The following TNS3 variants were observed in gnomAD, a reference collection of about 807,000 sequenced individuals.
TNS3 encodes tensin 3, also known as tensin-3.
TNS3 carries 45 observed loss-of-function variants against 140.9 expected under a neutral mutation model. The observed-to-expected ratio is 0.32, with a 90% CI of 0.25 to 0.41. The LOEUF (loss-of-function observed/expected upper bound fraction) is 0.41, where lower values mean the gene tolerates loss of function less well. TNS3 is among the 10% of genes least tolerant of loss of function. TNS3 has a pLI of 1.00. For missense variants in TNS3, 1,716 were observed against 1,906.7 expected (o/e 0.90, Z 1.86); for synonymous variants, 815 against 788.4 (o/e 1.03, Z -0.56).
At chr7:47,318,668 C>T (rs1456829675) in intron 20 of TNS3, among the ~76,000 whole-genome samples, 1 of 152,108 alleles carries the variant, frequency 6.6e-6, no homozygotes, top group Non-Finnish European at 1.5e-5. Context: ...TTGCCCTTCA[C>T]AAGCAGAGAG....
intron 1 of TNS3, among the ~76,000 whole-genome samples, chr7:47,545,415 G>A (rs1799894730): frequency 2.0e-5 from 3 of 152,006 alleles, no homozygotes; most frequent in African/African-American, 4.8e-5. Flanking sequence ...TCACGAAAGG[G>A]GAGGGCTTTC....
intron 2 of TNS3, among the ~76,000 whole-genome samples, chr7:47,524,808 C>CAAAAAAAA (rs1354544006): frequency 0.09 from 2,267 of 25,246 alleles, 800 homozygotes; most frequent in Non-Finnish European, 0.14. Flanking sequence ...GACTCCGTCT[C>CAAAAAAAA]AAGAAAAAAA....
chr7:47,566,855 C>T (rs59445075), intron 1 of TNS3, among the ~76,000 whole-genome samples: 6,044 of 152,114 alleles, frequency 0.04, 372 homozygotes, highest in African/African-American at 0.14. Flanking sequence ...GCCTGGCCAA[C>T]ATGGTGAAAC....
intron 23 of TNS3, among the ~76,000 whole-genome samples, chr7:47,300,018 T>G (rs966470211): frequency 6.6e-6 from 1 of 152,216 alleles, no homozygotes; most frequent in Non-Finnish European, 1.5e-5. Flanking sequence ...TAAGGTCCTC[T>G]TTTCCTCCTG....
At chr7:47,346,035 A>G (rs1208624069) in intron 18 of TNS3, 152 bp downstream of exon 18, 5 of 1,067,248 alleles carry the variant, frequency 4.7e-6, no homozygotes, top group East Asian at 2.6e-5. Context: ...AGCCACGACC[A>G]TATTTGTGAA....
At chr7:47,467,174 C>T (rs553248711) in intron 4 of TNS3, among the ~76,000 whole-genome samples, 101 of 152,342 alleles carry the variant, frequency 6.6e-4, no homozygotes, top group African/African-American at 2.2e-3. Flanking sequence ...CCCAGGTTCT[C>T]TTCAAATTCC....
In TNS3 at chr7:47,411,709, G is replaced by A. The variant is rs761270878; in HGVS notation, c.723+18C>T. ...GAGTGGGGACACCAACCCATCTGCG[G>A]CCACAGCGGGCACTCACCATGACAT... On this transcript the variant is annotated intron_variant, in intron 13 of 30. Coordinates refer to ENST00000311160, the MANE Select transcript of TNS3 (RefSeq NM_022748.12). 15 of 1,604,496 alleles carry A rather than the reference G, an allele frequency of 9.3e-6. No homozygotes were observed. In the South Asian group the frequency reaches 1.7e-4, roughly 18 times the overall value.
intron 20 of TNS3, among the ~76,000 whole-genome samples, chr7:47,326,411 C>T (rs1238488335): frequency 2.0e-5 from 3 of 152,144 alleles, no homozygotes; most frequent in African/African-American, 4.8e-5. Context: ...TGAGTCAGAA[C>T]GCAGAATGTA....
chr7:47,358,291 C>T (rs1562632123), intron 17 of TNS3, among the ~76,000 whole-genome samples: 1 of 152,156 alleles, frequency 6.6e-6, no homozygotes, highest in Non-Finnish European at 1.5e-5. Context: ...GCACGTGCCA[C>T]CATGCCCGGC....
chr7:47,444,038 A>C (rs775034175), intron 4 of TNS3, among the ~76,000 whole-genome samples: 5 of 152,266 alleles, frequency 3.3e-5, no homozygotes, highest in Non-Finnish European at 4.4e-5. Flanking sequence ...CGTTTAGGTT[A>C]ATTCATACAA....
chr7:47,534,304 G>GA (rs1188824471), intron 1 of TNS3, among the ~76,000 whole-genome samples: 1 of 151,762 alleles, frequency 6.6e-6, no homozygotes, highest in Non-Finnish European at 1.5e-5. Context: ...TAAAGTAGGG[G>GA]AAAGAGTCCT....
At chr7:47,523,325 T>C (rs1371510583) in intron 2 of TNS3, among the ~76,000 whole-genome samples, 1 of 152,154 alleles carries the variant, frequency 6.6e-6, no homozygotes, top group Non-Finnish European at 1.5e-5. Context: ...CATAAGAATT[T>C]TGGGGAGACA....
In TNS3 at chr7:47,526,381, C is replaced by T. The variant is rs930329023; in HGVS notation, c.-153+2655G>A. Among the ~76,000 whole-genome samples the T allele has an allele frequency of 1.1e-4, 17 of 152,200 alleles. 1 individual carries two copies. Among genetic ancestry groups the T allele is most frequent in the South Asian group, 6.2e-4 (3 of 4,826 alleles). On this transcript the variant is annotated intron_variant, in intron 2 of 30. Coordinates refer to ENST00000311160, the MANE Select transcript of TNS3 (RefSeq NM_022748.12). The stretch of plus-strand genomic sequence containing the variant: ...TGCAGAGGCTAACCAAACACACATG[C>T]GGCATCAGCCATGTGGAGCTACCCA...
chr7:47,495,088 G>A (rs113931323), intron 3 of TNS3, among the ~76,000 whole-genome samples: 2,161 of 151,478 alleles, frequency 0.014, 52 homozygotes, highest in African/African-American at 0.05. Flanking sequence ...CTACTCGGGA[G>A]GCTGAGGCAG....
intron 13 of TNS3, among the ~76,000 whole-genome samples, chr7:47,409,593 T>A (rs1562703354): frequency 6.6e-6 from 1 of 151,774 alleles, no homozygotes; most frequent in South Asian, 2.1e-4. Flanking sequence ...GGTAGAACAC[T>A]ACGCAAACAA....
rs545528737 is a variant in TNS3 at position 47,413,057 on chromosome 7, A to G, written c.647+880T>C. 2.6e-5 allele frequency among the ~76,000 whole-genome samples: 4 copies of G among 151,554 alleles called. No individual in the cohort carries two copies. The South Asian group carries it at 8.4e-4, about 32-fold the overall frequency. On this transcript the variant is annotated intron_variant, in intron 12 of 30. Transcript: ENST00000311160. The stretch of plus-strand genomic sequence containing the variant: ...CAACCTCTGCCTCTCAGGTTCAAGC[A>G]ATTCTCCTGCCTCAGCCTCCCAAGC...
At chr7:47,330,671 C>T (rs900115162) in intron 20 of TNS3, among the ~76,000 whole-genome samples, 14 of 151,832 alleles carry the variant, frequency 9.2e-5, no homozygotes, top group Admixed American at 5.9e-4. Flanking sequence ...GTTTCCCTTT[C>T]GGAGGAAGAC....
rs367556254 is a variant in TNS3, at chr7:47,368,817, C to T, written c.1829G>A (p.Arg610Gln). 101 of 1,611,538 alleles carry T rather than the reference C, an allele frequency of 6.3e-5. No homozygotes were observed. Among genetic ancestry groups the T allele is most frequent in the Non-Finnish European group, 8.2e-5 (97 of 1,179,258 alleles). The change falls in exon 17 of 31, where the codon CGG becomes CAG. Residue 610 changes from arginine (R) to glutamine (Q), a missense_variant. Arg to Gln is a conservative substitution (Grantham distance 43, BLOSUM62 1). Around this residue, in one of 3 missense-constraint regions of TNS3, gnomAD observed 1,163 missense variants for 1,182.1 expected, o/e 0.98. Transcript: ENST00000311160. The stretch of plus-strand genomic sequence containing the variant: ...GTCTGCAGGGCAGCGGCTCACCAGC[C>T]GGGCCTCCCCATCTGGGGCGAAGCT... ...QYSFAPDGEA[R>Q]LVSRCPADNP...
At chr7:47,480,892 C>A (rs181566242) in intron 4 of TNS3, among the ~76,000 whole-genome samples, 2 of 152,240 alleles carry the variant, frequency 1.3e-5, no homozygotes, top group African/African-American at 4.8e-5. Context: ...AAAGGCGCAG[C>A]GGATCCTCTT....
Sources: gnomAD v4.1 joint callset for allele counts (sites outside exome capture counted in the v4.1 genomes callset) on GRCh38, gnomAD v4.1.1 for gene constraint, gnomAD v4.1.1 regional missense constraint, MANE v1.5 for transcripts, NCBI Gene and HGNC (gene_info 2026-07-23, HGNC 2026-07-21) for gene names.